Variants in NUFIP2 observed in about 807,000 individuals in gnomAD.
NUFIP2 encodes FMR1-interacting protein NUFIP2.
In NUFIP2, 6 loss-of-function variants were observed where a neutral mutation model predicts 56.9. The observed-to-expected ratio is 0.11, with a 90% CI of 0.06 to 0.21. The LOEUF is 0.21. Among genes scored for constraint, NUFIP2 ranks in the 10% least tolerant of loss-of-function variants. NUFIP2 has a pLI of 1.00. For missense variants in NUFIP2, 828 were observed against 826.8 expected (o/e 1.00, Z -0.02); for synonymous variants, 321 against 298.2 (o/e 1.08, Z -0.79).
intron 2 of NUFIP2, 84 bp downstream of exon 2, chr17:29,285,908 A>G (rs2069170450): frequency 5.6e-6 from 6 of 1,079,996 alleles, no homozygotes; most frequent in Non-Finnish European, 6.6e-6. Flanking sequence ...AATATGAACA[A>G]CTAATTCTCT....
intron 3 of NUFIP2, among the ~76,000 whole-genome samples, chr17:29,267,194 G>A (rs144196008): frequency 0.026 from 3,964 of 150,654 alleles, 62 homozygotes; most frequent in Middle Eastern, 0.038. Flanking sequence ...GTGAGCCACC[G>A]TGCCCGGCCC....
In NUFIP2 at chr17:29,259,510, G is replaced by A. The variant is rs996114216; in HGVS notation, c.*5029C>T. On this transcript the variant is annotated 3_prime_UTR_variant, in exon 4 of 4. Coordinates refer to ENST00000225388, the MANE Select transcript of NUFIP2 (RefSeq NM_020772.3). Reference sequence around the variant, plus strand: ...CAGGGGAATTGCTTGAACCAGGGAGGTGGAGGTTGCAGTGAGCCAAGATTG... The same window carrying A: ...CAGGGGAATTGCTTGAACCAGGGAGATGGAGGTTGCAGTGAGCCAAGATTG... 6.6e-6 allele frequency: 1 copy of A among 151,074 alleles called. No homozygotes were observed. The highest frequency in any genetic ancestry group is 2.4e-5 in the African/African-American group (1 of 40,954). 9.4% of individuals were successfully genotyped at this position (151,074 alleles called of 1,614,324 possible). A position where few individuals can be genotyped will look rare whatever the true frequency, so the allele number is the denominator to read the frequency against.
Position 29,256,522 on chromosome 17 carries a change from TGAA to T in NUFIP2, c.*8014_*8016del, listed in dbSNP as rs1268421151. ...TCCTCAAAGGCAACAATATACTTGA[TGAA>T]GAAGTAACCCTCTTCTGTATATTGA... On this transcript the variant is annotated 3_prime_UTR_variant, in exon 4 of 4. Coordinates refer to ENST00000225388, the MANE Select transcript of NUFIP2 (RefSeq NM_020772.3). 1.3e-5 allele frequency: 2 copies of T among 152,184 alleles called. No individual in the cohort carries two copies. The highest frequency in any genetic ancestry group is 4.8e-5 in the African/African-American group (2 of 41,452). The allele number at this position is 152,184 out of a possible 1,614,324, so 9.4% of individuals were successfully genotyped here.
Position 29,261,514 on chromosome 17 carries a change from C to CT in NUFIP2, c.*3024dup, listed in dbSNP as rs1469884000. The CT allele has an allele frequency of 2.0e-5, 3 of 152,116 alleles. No individual in the cohort carries two copies. Among genetic ancestry groups the CT allele is most frequent in the African/African-American group, 7.2e-5 (3 of 41,428 alleles). The allele number at this position is 152,116 out of a possible 1,614,324, so 9.4% of individuals were successfully genotyped here. ...TGGTTTATGCTACAGTACTAATACT[C>CT]TGAGTTGAAGGAAAATTCTTTATAC... On this transcript the variant is annotated 3_prime_UTR_variant, in exon 4 of 4. Coordinates refer to ENST00000225388, the MANE Select transcript of NUFIP2 (RefSeq NM_020772.3).
At chr17:29,268,209 T>C (rs938019214) in intron 2 of NUFIP2, among the ~76,000 whole-genome samples, 1 of 152,214 alleles carries the variant, frequency 6.6e-6, no homozygotes, top group Non-Finnish European at 1.5e-5. Flanking sequence ...GGCTGGCTCT[T>C]ATAATTCTTA....
In NUFIP2 at chr17:29,255,874, T is replaced by TA. The variant is rs1234738353; in HGVS notation, c.*8664dup. ...AATTTTTTATTCAACAATGTACACT[T>TA]ATTGTCTCTCAATTTGATCTACAAA... is the stretch of plus-strand genomic sequence containing the variant. On this transcript the variant is annotated 3_prime_UTR_variant, in exon 4 of 4. Coordinates refer to ENST00000225388, the MANE Select transcript of NUFIP2 (RefSeq NM_020772.3). 6.6e-6 allele frequency: 1 copy of TA among 152,224 alleles called. No individual in the cohort carries two copies. Among genetic ancestry groups the TA allele is most frequent in the African/African-American group, 2.4e-5 (1 of 41,462 alleles). 9.4% of individuals were successfully genotyped at this position (152,224 alleles called of 1,614,324 possible). A position where few individuals can be genotyped will look rare whatever the true frequency, so the allele number is the denominator to read the frequency against.
In NUFIP2 at chr17:29,261,151, A is replaced by C. The variant is rs2069000267; in HGVS notation, c.*3388T>G. On this transcript the variant is annotated 3_prime_UTR_variant, in exon 4 of 4. Coordinates refer to ENST00000225388, the MANE Select transcript of NUFIP2 (RefSeq NM_020772.3). ...GTGACACAGAAGCCTACAATAATCA[A>C]AACAGATTTAAAAAGAAATCTTCAC... The C allele has an allele frequency of 6.6e-6, 1 of 152,154 alleles. No homozygotes were observed. The highest frequency in any genetic ancestry group is 2.1e-4 in the South Asian group (1 of 4,832). The allele number at this position is 152,154 out of a possible 1,614,324, so 9.4% of individuals were successfully genotyped here.
chr17:29,283,832 C>T (rs1450724415), intron 2 of NUFIP2, among the ~76,000 whole-genome samples: 1 of 152,192 alleles, frequency 6.6e-6, no homozygotes, highest in Non-Finnish European at 1.5e-5. Flanking sequence ...CAACCAACTC[C>T]TGTATTTACC....
chr17:29,283,283 T>C (rs1445107665), intron 2 of NUFIP2, among the ~76,000 whole-genome samples: 9 of 152,192 alleles, frequency 5.9e-5, no homozygotes, highest in Admixed American at 3.9e-4. Context: ...TTCCACCTAA[T>C]AGAAATTGTA....
intron 3 of NUFIP2, among the ~76,000 whole-genome samples, 167 bp downstream of exon 3, chr17:29,267,331 G>C: frequency 6.6e-6 from 1 of 151,964 alleles, no homozygotes; most frequent in Non-Finnish European, 1.5e-5. Context: ...TGGGATTAGA[G>C]GCATGAGCCA....
At chr17:29,269,602 G>T (rs1173490353) in intron 2 of NUFIP2, among the ~76,000 whole-genome samples, 1 of 151,562 alleles carries the variant, frequency 6.6e-6, no homozygotes, top group East Asian at 1.9e-4. Context: ...TCAATCTCCT[G>T]GGTTCAAGCA....
Position 29,278,479 on chromosome 17 carries a change from C to G in NUFIP2, c.2002+7513G>C, listed in dbSNP as rs1052170501. 3.9e-5 allele frequency among the ~76,000 whole-genome samples: 6 copies of G among 152,146 alleles called. No homozygotes were observed. The South Asian group carries it at 6.2e-4, about 16-fold the overall frequency. On this transcript the variant is annotated intron_variant, in intron 2 of 3. Coordinates refer to ENST00000225388, the MANE Select transcript of NUFIP2 (RefSeq NM_020772.3). ...GCCAGGATGGTCTCGATCTCCTGAC[C>G]TCGTGATCTGCCCGCCTCGGCCTCC...
At chr17:29,288,297 G>T (rs767473734) in intron 1 of NUFIP2, among the ~76,000 whole-genome samples, 1 of 152,192 alleles carries the variant, frequency 6.6e-6, no homozygotes, top group African/African-American at 2.4e-5. Context: ...CGCCCGTCTC[G>T]GCCTCCCGAA....
At chr17:29,293,165 C>T (rs1353642140) in intron 1 of NUFIP2, among the ~76,000 whole-genome samples, 1 of 151,586 alleles carries the variant, frequency 6.6e-6, no homozygotes, top group Non-Finnish European at 1.5e-5. Flanking sequence ...CGGGACAAGA[C>T]TGCGGGGTCC....
chr17:29,286,862 T>G lies in NUFIP2; in HGVS notation c.1132A>C (p.Thr378Pro). Residue 378 changes from threonine (T) to proline (P), a missense_variant, in exon 2 of 4, where the codon ACT (threonine) becomes CCT (proline). Physicochemically the swap from Thr to Pro is conservative, Grantham distance 38 (BLOSUM62 -1). Around this residue, in one of 3 missense-constraint regions of NUFIP2, gnomAD observed 404 missense variants for 380.3 expected, o/e 1.06. Transcript: ENST00000225388. ...GATGATGAAGATGATGAAGATGAAG[T>G]TGGTGACACAGAAGAGTTCTGTATA... is the stretch of plus-strand genomic sequence containing the variant. ...KTIQNSSVSP[T>P]SSSSSSSSTG... is the part of the protein sequence containing the mutation. The G allele has an allele frequency of 6.2e-7, 1 of 1,614,092 alleles. No homozygotes were observed. The highest frequency in any genetic ancestry group is 8.5e-7 in the Non-Finnish European group (1 of 1,180,002).
chr17:29,269,068 T>C (rs759372146), intron 2 of NUFIP2, among the ~76,000 whole-genome samples: 2 of 152,166 alleles, frequency 1.3e-5, no homozygotes, highest in African/African-American at 2.4e-5. Flanking sequence ...TCAACAGTAA[T>C]TGACTATTAC....
At chr17:29,274,208 C>A (rs1397031517) in intron 2 of NUFIP2, among the ~76,000 whole-genome samples, 1 of 152,182 alleles carries the variant, frequency 6.6e-6, no homozygotes, top group Non-Finnish European at 1.5e-5. Flanking sequence ...TAATGAGGGC[C>A]TGTGGTGGTT....
intron 2 of NUFIP2, among the ~76,000 whole-genome samples, chr17:29,272,848 T>C (rs980946159): frequency 1.9e-4 from 29 of 152,004 alleles, no homozygotes; most frequent in Admixed American, 3.9e-4. Context: ...TTCTTTTTTT[T>C]TTTTCTTTTC....
chr17:29,294,087 G>C lies in NUFIP2; in HGVS notation c.-28C>G. On this transcript the variant is annotated 5_prime_UTR_variant, in exon 1 of 4. Coordinates refer to ENST00000225388, the MANE Select transcript of NUFIP2 (RefSeq NM_020772.3). Reference sequence around the variant, plus strand: ...AAAGCGGCTGGGACTCCCTGGCTGAGGCTGCGGGCTGCTGCACCGTCAGGA... The same window carrying C: ...AAAGCGGCTGGGACTCCCTGGCTGACGCTGCGGGCTGCTGCACCGTCAGGA... 2 of 1,570,436 alleles carry C rather than the reference G, an allele frequency of 1.3e-6. No homozygotes were observed. The highest frequency in any genetic ancestry group is 1.7e-6 in the Non-Finnish European group (2 of 1,156,554).
Sources: allele counts gnomAD v4.1 joint callset (sites outside exome capture counted in the v4.1 genomes callset), GRCh38; gene constraint gnomAD v4.1.1; regional missense constraint gnomAD v4.1.1; transcripts MANE v1.5; gene names NCBI Gene and HGNC (gene_info 2026-07-23, HGNC 2026-07-21).